GALNTL6: variants seen among roughly 807,000 people sequenced by gnomAD.
The protein encoded by GALNTL6 is polypeptide N-acetylgalactosaminyltransferase like 6.
A neutral mutation model predicts 73.7 loss-of-function variants in GALNTL6; 46 were observed. The ratio of observed to expected loss-of-function variants is 0.62; its 90% CI spans 0.49 to 0.80. GALNTL6 has a LOEUF of 0.80. GALNTL6 is among the 30% of genes least tolerant of loss of function. GALNTL6 has a pLI of 0.00. For missense variants in GALNTL6, 604 were observed against 755.0 expected (o/e 0.80, Z 2.34); for synonymous variants, 259 against 263.7 (o/e 0.98, Z 0.17).
At chr4:172,337,698 T>G (rs1049417501) in intron 4 of GALNTL6, among the ~76,000 whole-genome samples, 6 of 94,908 alleles carry the variant, frequency 6.3e-5, no homozygotes, top group Non-Finnish European at 8.7e-5. Context: ...TTAAGGTTTT[T>G]TGTTTTTTTT....
chr4:172,403,370 G>A (rs1744107266), intron 5 of GALNTL6, among the ~76,000 whole-genome samples: 1 of 151,998 alleles, frequency 6.6e-6, no homozygotes, highest in South Asian at 2.1e-4. Flanking sequence ...AGTAATAAAT[G>A]AGGTAGAACA....
chr4:172,119,171 A>C (rs185992316), intron 2 of GALNTL6, among the ~76,000 whole-genome samples: 17 of 152,334 alleles, frequency 1.1e-4, no homozygotes, highest in Non-Finnish European at 2.2e-4. Context: ...CATTTATATA[A>C]GGGCTAAAAT....
intron 2 of GALNTL6, among the ~76,000 whole-genome samples, chr4:172,148,664 C>G (rs1259307650): frequency 6.6e-6 from 1 of 152,166 alleles, no homozygotes; most frequent in Non-Finnish European, 1.5e-5. Flanking sequence ...GCCCTTCTCA[C>G]CAATCCTAAG....
At chr4:172,465,350 G>C (rs1410633088) in intron 5 of GALNTL6, among the ~76,000 whole-genome samples, 1 of 151,992 alleles carries the variant, frequency 6.6e-6, no homozygotes, top group Admixed American at 6.6e-5. Context: ...GGTGGTGAGC[G>C]TCTGTAGTCC....
intron 10 of GALNTL6, among the ~76,000 whole-genome samples, chr4:173,003,806 C>A (rs893946575): frequency 6.6e-6 from 1 of 152,154 alleles, no homozygotes; most frequent in African/African-American, 2.4e-5. Context: ...CCTCCAGGGC[C>A]CCTTCCAATG....
chr4:172,482,937 T>C (rs1015386639), intron 5 of GALNTL6, among the ~76,000 whole-genome samples: 4 of 152,200 alleles, frequency 2.6e-5, no homozygotes, highest in African/African-American at 9.6e-5. Flanking sequence ...ATAATTTCTA[T>C]TACAAATTTT....
intron 2 of GALNTL6, among the ~76,000 whole-genome samples, chr4:171,826,210 G>T (rs1734820602): frequency 6.6e-6 from 1 of 152,064 alleles, no homozygotes; most frequent in Admixed American, 6.6e-5. Context: ...ATGCTTGGTA[G>T]GTAGCCTTCC....
intron 3 of GALNTL6, among the ~76,000 whole-genome samples, chr4:172,273,407 A>G (rs2111062854): frequency 6.6e-6 from 1 of 152,320 alleles, no homozygotes; most frequent in Admixed American, 6.5e-5. Context: ...CAATGCCATG[A>G]CTAGATATAC....
At chr4:172,399,861 T>C (rs1321840472) in intron 5 of GALNTL6, among the ~76,000 whole-genome samples, 1 of 152,194 alleles carries the variant, frequency 6.6e-6, no homozygotes, top group African/African-American at 2.4e-5. Context: ...CTAAATTTAC[T>C]ATTTGTTAAG....
chr4:172,144,767 G>A (rs998969481), intron 2 of GALNTL6, among the ~76,000 whole-genome samples: 1 of 152,092 alleles, frequency 6.6e-6, no homozygotes, highest in Non-Finnish European at 1.5e-5. Context: ...CCTTCATTGA[G>A]CATTATTTGT....
chr4:172,153,953 G>T (rs1246988516), intron 2 of GALNTL6, among the ~76,000 whole-genome samples: 1 of 152,158 alleles, frequency 6.6e-6, no homozygotes, highest in Non-Finnish European at 1.5e-5. Context: ...ACATTTAAAT[G>T]AAGATTTTGA....
At chr4:172,722,571 A>T (rs1735543981) in intron 5 of GALNTL6, among the ~76,000 whole-genome samples, 3 of 152,104 alleles carry the variant, frequency 2.0e-5, no homozygotes, top group Non-Finnish European at 4.4e-5. Context: ...TTTAAAATGC[A>T]TGTGAATATA....
intron 2 of GALNTL6, among the ~76,000 whole-genome samples, chr4:171,825,438 C>A (rs1734797854): frequency 6.6e-6 from 1 of 152,088 alleles, no homozygotes; most frequent in South Asian, 2.1e-4. Context: ...TTTCAGATAG[C>A]CTAGCAGAAT....
chr4:171,842,489 A>G (rs1735263465), intron 2 of GALNTL6, among the ~76,000 whole-genome samples: 1 of 152,154 alleles, frequency 6.6e-6, no homozygotes. Flanking sequence ...TAATTTATAA[A>G]GAAAAGAGGT....
At chr4:172,623,754 C>G (rs904096189) in intron 5 of GALNTL6, among the ~76,000 whole-genome samples, 2 of 151,930 alleles carry the variant, frequency 1.3e-5, no homozygotes, top group Non-Finnish European at 2.9e-5. Context: ...ATTCAGATAG[C>G]CTTTTTATTG....
intron 5 of GALNTL6, among the ~76,000 whole-genome samples, chr4:172,653,130 A>AT (rs1740555715): frequency 6.6e-6 from 1 of 151,288 alleles, no homozygotes; most frequent in African/African-American, 2.4e-5. Flanking sequence ...TTAACCTTGT[A>AT]TGTTGTTGAC....
intron 2 of GALNTL6, among the ~76,000 whole-genome samples, chr4:171,903,687 G>T (rs1354742403): frequency 6.6e-6 from 1 of 150,746 alleles, no homozygotes; most frequent in Non-Finnish European, 1.5e-5. Flanking sequence ...CACCTCTGGG[G>T]GCAGGGCACA....
In GALNTL6 at chr4:172,052,576, A is replaced by G. The variant is rs749211028; in HGVS notation, c.139-177080A>G. The G allele has an allele frequency of 2.2e-6, 3 of 1,356,098 alleles. No individual in the cohort carries two copies. In the South Asian group the frequency reaches 3.9e-5, roughly 17 times the overall value. 84.0% of individuals were successfully genotyped at this position (1,356,098 alleles called of 1,614,324 possible). A position where few individuals can be genotyped will look rare whatever the true frequency, so the allele number is the denominator to read the frequency against. ...CGGCTGCAGTGCAGACCAAGACAAG[A>G]TAGGGTGGTTCGTCTCATGGACGCT... On this transcript the variant is annotated intron_variant, in intron 2 of 12. Coordinates refer to ENST00000506823, the MANE Select transcript of GALNTL6 (RefSeq NM_001034845.3).
chr4:172,059,357 A>T (rs1453138198), intron 2 of GALNTL6, among the ~76,000 whole-genome samples: 2 of 152,190 alleles, frequency 1.3e-5, no homozygotes, highest in Non-Finnish European at 2.9e-5. Flanking sequence ...GTGACTAAAG[A>T]AGACATCATA....
Sources: allele counts gnomAD v4.1 joint callset (sites outside exome capture counted in the v4.1 genomes callset), GRCh38; gene constraint gnomAD v4.1.1; transcripts MANE v1.5; gene names NCBI Gene and HGNC (gene_info 2026-07-23, HGNC 2026-07-21).